The following ANK2 variants were observed in gnomAD, a reference collection of about 807,000 sequenced individuals.
ANK2 encodes ankyrin-2.
A neutral mutation model predicts 360.5 loss-of-function variants in ANK2; 83 were observed. The ratio of observed to expected loss-of-function variants is 0.23; its 90% CI spans 0.19 to 0.28. The LOEUF is 0.28. Ranked by LOEUF, ANK2 falls within the 10% of genes least tolerant of loss-of-function variation. ANK2 has a pLI of 1.00. For missense variants in ANK2, 4,201 were observed against 4,795.7 expected (o/e 0.88, Z 3.66); for synonymous variants, 1,740 against 1,759.5 (o/e 0.99, Z 0.28).
chr4:113,363,093 G>T (rs552900541), intron 39 of ANK2, among the ~76,000 whole-genome samples: 36 of 152,106 alleles, frequency 2.4e-4, no homozygotes, highest in African/African-American at 7.7e-4. Context: ...TCTTATCATT[G>T]CTGCCTCACA....
intron 23 of ANK2, among the ~76,000 whole-genome samples, chr4:113,305,077 A>T (rs2076584813): frequency 6.6e-6 from 1 of 151,990 alleles, no homozygotes; most frequent in East Asian, 1.9e-4. Context: ...GCGGTGGCTC[A>T]CGCCTGTAAT....
Position 113,358,153 on chromosome 4 carries a change from G to T in ANK2, c.9535G>T (p.Ala3179Ser). The T allele has an allele frequency of 6.2e-7, 1 of 1,614,064 alleles. No homozygotes were observed. The highest frequency in any genetic ancestry group is 8.5e-7 in the Non-Finnish European group (1 of 1,179,956). Reference protein sequence around the residue: ...SESKETVDDEADLLPDDVSEE... With the variant: ...SESKETVDDESDLLPDDVSEE... ...ATCAAAAGAAACAGTGGATGATGAGGCAGACTTACTTCCAGATGACGTGAG... is the reference window on the plus strand; with the variant it reads ...ATCAAAAGAAACAGTGGATGATGAGTCAGACTTACTTCCAGATGACGTGAG... Residue 3179 changes from alanine to serine, a missense_variant, in exon 38 of 46, where the codon GCA (alanine) becomes TCA (serine). This residue lies in a region of ANK2 where 2,642 missense variants were observed against 2,714.5 expected (regional missense o/e 0.97). Coordinates refer to ENST00000357077, the MANE Select transcript of ANK2 (RefSeq NM_001148.6).
In ANK2 at chr4:113,367,571, T is replaced by A; in HGVS notation, c.11038T>A (p.Ser3680Thr). Residue 3680 changes from serine to threonine, a missense_variant, in exon 42 of 46, where the codon TCG (serine) becomes ACG (threonine). This residue lies in a region of ANK2 where 2,642 missense variants were observed against 2,714.5 expected (regional missense o/e 0.97). Coordinates refer to ENST00000357077, the MANE Select transcript of ANK2 (RefSeq NM_001148.6). ...TTAAATCATTCTGCCTTTAGGGTTC[T>A]CGGTACTTCAAGAGGAGTTATGCAC... ...TITLDHSEGF[S>T]VLQEELCTAQ... The A allele has an allele frequency of 6.2e-7, 1 of 1,613,876 alleles. No individual in the cohort carries two copies. Among genetic ancestry groups the A allele is most frequent in the Non-Finnish European group, 8.5e-7 (1 of 1,179,954 alleles).
chr4:113,372,448 A>G, intron 43 of ANK2: 1 of 836,828 alleles, frequency 1.2e-6, no homozygotes, highest in Non-Finnish European at 1.9e-6. Flanking sequence ...AAAGTTTCAC[A>G]ATACAATGTA....
intron 4 of ANK2, among the ~76,000 whole-genome samples, chr4:113,231,062 T>C (rs973046292): frequency 6.6e-6 from 1 of 151,492 alleles, no homozygotes; most frequent in Non-Finnish European, 1.5e-5. Context: ...TTTTTTTTCT[T>C]TTTTTTTGAG....
At chr4:112,865,329 A>G (rs1476757018) in intron 1 of ANK2, among the ~76,000 whole-genome samples, 1 of 152,104 alleles carries the variant, frequency 6.6e-6, no homozygotes, top group African/African-American at 2.4e-5. Flanking sequence ...AAGCTCTGTT[A>G]TTATAATTAC....
chr4:113,019,472 G>GA (rs57650200), intron 2 of ANK2, among the ~76,000 whole-genome samples: 9,162 of 152,106 alleles, frequency 0.06, 882 homozygotes, highest in African/African-American at 0.21. Context: ...AAGTATTCCA[G>GA]AAAAAATTGT....
In ANK2 at chr4:113,302,856, A is replaced by C; in HGVS notation, c.2548+17A>C. The C allele has an allele frequency of 2.5e-6, 4 of 1,599,020 alleles. No individual in the cohort carries two copies. Among genetic ancestry groups the C allele is most frequent in the Non-Finnish European group, 3.4e-6 (4 of 1,166,342 alleles). On this transcript the variant is annotated intron_variant, in intron 23 of 45. Coordinates refer to ENST00000357077, the MANE Select transcript of ANK2 (RefSeq NM_001148.6). The stretch of plus-strand genomic sequence containing the variant: ...ATGAAGAGGGTAAGACTTCTATTCA[A>C]TCTTCTATGACACCTGTCATGTTCT...
rs1489947974 is a variant in ANK2 at position 113,021,541 on chromosome 4, C to CACACACACACACACATATATATAT, written c.21+117028_21+117029insCACACACACACACATATATATATA. On this transcript the variant is annotated intron_variant, in intron 2 of 30. Coordinates refer to the ANK2 transcript ENST00000503271. Reference sequence around the variant, plus strand: ...ATACACACACACACCCACACACAAACATATATATATATATATATATATATA... The same window carrying CACACACACACACACATATATATAT: ...ATACACACACACACCCACACACAAACACACACACACACACATATATATATATATATATATATATATATATATATA... Among the ~76,000 whole-genome samples, 93 of 95,622 alleles carry CACACACACACACACATATATATAT rather than the reference C, an allele frequency of 9.7e-4. 2 individuals carry two copies. The highest frequency in any genetic ancestry group is 1.8e-3 in the South Asian group (6 of 3,274). The allele number at this position is 95,622 out of a possible 152,430, so 62.7% of individuals were successfully genotyped here.
At chr4:113,078,722 G>A (rs187443232) in intron 1 of ANK2, among the ~76,000 whole-genome samples, 2 of 152,172 alleles carry the variant, frequency 1.3e-5, no homozygotes, top group South Asian at 4.1e-4. Context: ...TAGGCTGAAT[G>A]CAGAGCCTCT....
the ANK2 span, among the ~76,000 whole-genome samples, chr4:112,725,522 G>A: frequency 4.6e-5 from 7 of 151,378 alleles, no homozygotes; most frequent in Admixed American, 6.6e-5. Flanking sequence ...CACCATGCCC[G>A]GCTGTTTTTG....
intron 2 of ANK2, among the ~76,000 whole-genome samples, chr4:112,937,509 G>A (rs569223332): frequency 6.2e-4 from 94 of 152,050 alleles, no homozygotes; most frequent in African/African-American, 2.2e-3. Flanking sequence ...TGTGTTTTTA[G>A]TAGAGACTGG....
intron 1 of ANK2, among the ~76,000 whole-genome samples, chr4:113,097,624 T>G (rs2091637963): frequency 6.6e-6 from 1 of 152,090 alleles, no homozygotes; most frequent in East Asian, 1.9e-4. Context: ...ACTTTCCAAT[T>G]TTTGCCCAAG....
At chr4:113,097,853 T>C (rs754279508) in intron 1 of ANK2, among the ~76,000 whole-genome samples, 41,882 of 116,046 alleles carry the variant, frequency 0.36, 7,063 homozygotes, top group Non-Finnish European at 0.41. Flanking sequence ...TGTGTGTGTG[T>C]GTGTGTGTGT....
chr4:112,957,472 C>CT (rs1324027471), intron 2 of ANK2, among the ~76,000 whole-genome samples: 1 of 152,250 alleles, frequency 6.6e-6, no homozygotes, highest in Non-Finnish European at 1.5e-5. Flanking sequence ...CCTTTCCCCC[C>CT]TTTCTATTCC....
chr4:113,345,593 G>A (rs2094754713), intron 34 of ANK2, among the ~76,000 whole-genome samples: 2 of 152,106 alleles, frequency 1.3e-5, no homozygotes, highest in South Asian at 2.1e-4. Flanking sequence ...GGGGGATGAG[G>A]TGATTGATAT....
At chr4:112,822,277 G>A (rs956142706) in intron 1 of ANK2, among the ~76,000 whole-genome samples, 18 of 150,158 alleles carry the variant, frequency 1.2e-4, no homozygotes, top group Non-Finnish European at 1.5e-4. Context: ...AATTAGCCGG[G>A]CGTGGTGGCA....
At chr4:113,150,182 A>G (rs1257166007) in intron 1 of ANK2, among the ~76,000 whole-genome samples, 1 of 152,134 alleles carries the variant, frequency 6.6e-6, no homozygotes, top group Non-Finnish European at 1.5e-5. Flanking sequence ...GCTTTCACAC[A>G]GGCTAATTAA....
At chr4:113,159,764 C>G (rs181820118) in intron 1 of ANK2, among the ~76,000 whole-genome samples, 1 of 147,154 alleles carries the variant, frequency 6.8e-6, no homozygotes, top group South Asian at 2.4e-4. Flanking sequence ...CCCACCACCA[C>G]GCCCGGCTAA....
Sources: allele counts gnomAD v4.1 joint callset (sites outside exome capture counted in the v4.1 genomes callset), GRCh38; gene constraint gnomAD v4.1.1; regional missense constraint gnomAD v4.1.1; transcripts MANE v1.5; gene names NCBI Gene and HGNC (gene_info 2026-07-23, HGNC 2026-07-21).